Variants in SETD7 observed in about 807,000 individuals in gnomAD.
SETD7 encodes SET domain containing 7, histone lysine methyltransferase, also known as histone-lysine N-methyltransferase SETD7.
In SETD7, 16 loss-of-function variants were observed where a neutral mutation model predicts 41.8. The ratio of observed to expected loss-of-function variants is 0.38; its 90% confidence interval spans 0.26 to 0.58. The LOEUF is 0.58. Ranked by LOEUF, SETD7 falls within the 20% of genes least tolerant of loss-of-function variation. The probability of loss-of-function intolerance (pLI) is 0.64; values close to 1 mark genes in which losing one functional copy is unlikely to be tolerated. For missense variants in SETD7, 346 were observed against 459.7 expected (o/e 0.75, Z 2.26); for synonymous variants, 163 against 169.7 (o/e 0.96, Z 0.31).
At chr4:139,522,852 G>C (rs1475021419) in intron 5 of SETD7, among the ~76,000 whole-genome samples, 2 of 145,920 alleles carry the variant, frequency 1.4e-5, no homozygotes, top group African/African-American at 5.0e-5. Flanking sequence ...CTCCCAGGTT[G>C]AAGCAATTCT....
At chr4:139,538,575 C>T (rs1018019145) in intron 2 of SETD7, among the ~76,000 whole-genome samples, 4 of 152,104 alleles carry the variant, frequency 2.6e-5, no homozygotes, top group Admixed American at 6.6e-5. Flanking sequence ...GTGATCCACC[C>T]GCCTCAGCCT....
At chr4:139,533,453 C>T in intron 2 of SETD7, 87 bp from the exon 3 acceptor site, 2 of 1,153,556 alleles carry the variant, frequency 1.7e-6, no homozygotes, top group Non-Finnish European at 2.5e-6. Flanking sequence ...GAACTGCATG[C>T]CCAGCTGTGT....
exon 8 of SETD7, chr4:139,496,198 T>G (rs1726451448): frequency 1.0e-5 from 5 of 496,474 alleles, no homozygotes; most frequent in Non-Finnish European, 1.8e-5. Flanking sequence ...CTGGTGACTT[T>G]ATTTATTGAT....
rs1249515915 is a variant in SETD7 at position 139,523,392 on chromosome 4, A to G, written c.606T>C (p.Ser202=). 6.2e-7 allele frequency: 1 copy of G among 1,613,668 alleles called. No individual in the cohort carries two copies. Among genetic ancestry groups the G allele is most frequent in the Non-Finnish European group, 8.5e-7 (1 of 1,179,726 alleles). Residue 202 remains serine, a synonymous_variant, in exon 5 of 8, where the codon TCT becomes TCC. Coordinates refer to ENST00000274031, the MANE Select transcript of SETD7 (RefSeq NM_030648.4). ...HFDKSTSSCI[S]TNALLPDPYE... is the part of the protein sequence containing the mutation. Reference sequence around the variant, plus strand: ...AAGGATCTGGAAGAAGAGCATTGGTAGAAATGCAAGATGAAGTCGACTTAT... The same window carrying G: ...AAGGATCTGGAAGAAGAGCATTGGTGGAAATGCAAGATGAAGTCGACTTAT...
At chr4:139,496,478 C>T (rs1726457254) in exon 8 of SETD7, 1 of 702,356 alleles carries the variant, frequency 1.4e-6, no homozygotes, top group Non-Finnish European at 2.6e-6. Flanking sequence ...AGTGGAGCCC[C>T]AAATCTGCTT....
chr4:139,545,683 C>T (rs531071942), intron 2 of SETD7, among the ~76,000 whole-genome samples: 1 of 152,274 alleles, frequency 6.6e-6, no homozygotes, highest in South Asian at 2.1e-4. Context: ...AGAAATGTTA[C>T]CCCCTTTAAA....
At chr4:139,524,725 C>T (rs1207727781) in intron 4 of SETD7, among the ~76,000 whole-genome samples, 4 of 152,114 alleles carry the variant, frequency 2.6e-5, no homozygotes, top group East Asian at 1.9e-4. Context: ...GCAATAATAG[C>T]GGGCAGTGAA....
At chr4:139,523,247 C>T in intron 5 of SETD7, 107 bp downstream of exon 5, 2 of 738,412 alleles carry the variant, frequency 2.7e-6, no homozygotes, top group South Asian at 2.0e-5. Context: ...TTGGTCTGAG[C>T]TGGAACCCAG....
rs902010346 is a variant in SETD7 at position 139,555,142 on chromosome 4, G to A, written c.40+956C>T. Among the ~76,000 whole-genome samples the A allele has an allele frequency of 7.0e-6, 1 of 143,878 alleles. No individual in the cohort carries two copies. The highest frequency in any genetic ancestry group is 1.5e-5 in the Non-Finnish European group (1 of 66,876). The allele number at this position is 143,878 out of a possible 152,430, so 94.4% of individuals were successfully genotyped here. A position where few individuals can be genotyped will look rare whatever the true frequency, so the allele number is the denominator to read the frequency against. On this transcript the variant is annotated intron_variant, in intron 1 of 7. Coordinates refer to ENST00000274031, the MANE Select transcript of SETD7 (RefSeq NM_030648.4). The surrounding 1 kb of genome is among the most constrained non-coding windows in gnomAD (Gnocchi z 4.0). ...CATAACATCCTATGATACAAACAAC[G>A]AGATTGTATAACGTCCCCACATCGT...
intron 4 of SETD7, 85 bp downstream of exon 4, chr4:139,528,946 G>T (rs1727405152): frequency 5.9e-6 from 7 of 1,180,786 alleles, no homozygotes; most frequent in South Asian, 2.6e-5. Flanking sequence ...TATACAGAGA[G>T]GAAAAGAAAA....
At chr4:139,500,611 C>T (rs766431130) in intron 7 of SETD7, among the ~76,000 whole-genome samples, 2 of 152,142 alleles carry the variant, frequency 1.3e-5, no homozygotes, top group South Asian at 2.1e-4. Context: ...CAGTTTCAAG[C>T]GATTCTCCTG....
intron 2 of SETD7, among the ~76,000 whole-genome samples, chr4:139,544,787 C>T (rs1162750536): frequency 8.0e-6 from 1 of 124,240 alleles, no homozygotes; most frequent in African/African-American, 3.3e-5. Context: ...CATCAAACTA[C>T]CAGATTTAAA....
chr4:139,552,633 C>T (rs1377943475), intron 1 of SETD7, among the ~76,000 whole-genome samples: 2 of 152,154 alleles, frequency 1.3e-5, no homozygotes, highest in African/African-American at 2.4e-5. Context: ...TCTTCCCCTC[C>T]ACTTTTCTCC....
At chr4:139,551,579 A>C (rs1728111851) in intron 1 of SETD7, among the ~76,000 whole-genome samples, 1 of 152,288 alleles carries the variant, frequency 6.6e-6, no homozygotes, top group South Asian at 2.1e-4. Context: ...TCAGCAAAGT[A>C]AATTCCCTCT....
downstream of SETD7, among the ~76,000 whole-genome samples, chr4:139,503,175 C>A (rs1726620098): frequency 1.3e-5 from 1 of 77,078 alleles, no homozygotes; most frequent in Admixed American, 2.1e-4. Context: ...GAGACTCTGT[C>A]TCAGAAAAAA....
At chr4:139,523,569 G>A (rs191565478) in intron 4 of SETD7, 134 bp from the exon 5 acceptor site, 2 of 562,520 alleles carry the variant, frequency 3.6e-6, no homozygotes, top group African/African-American at 1.9e-5. Flanking sequence ...CTAGAATGAA[G>A]TTCTTCAATT....
In SETD7 at chr4:139,517,963, T is replaced by C. The variant is rs370938951; in HGVS notation, c.842A>G (p.Tyr281Cys). The change falls in exon 7 of 8, where the codon TAT (tyrosine) becomes TGT (cysteine). Residue 281 changes from tyrosine (Y) to cysteine (C), a missense_variant. This residue lies in a region of SETD7 where 266 missense variants were observed against 377.0 expected (regional missense o/e 0.71). Coordinates refer to ENST00000274031, the MANE Select transcript of SETD7 (RefSeq NM_030648.4). The part of the protein sequence containing the change: ...EETVIDVPEP[Y>C]NHVSKYCASL... The stretch of plus-strand genomic sequence containing the variant: ...GGCACAGTACTTGGATACGTGGTTA[T>C]AGGGCTCAGGCACATCAATGACCGT... The C allele has an allele frequency of 2.6e-5, 42 of 1,614,104 alleles. 1 individual carries two copies. Among genetic ancestry groups the C allele is most frequent in the Non-Finnish European group, 3.2e-5 (38 of 1,179,998 alleles).
rs1046897455 is a variant in SETD7 at position 139,508,640 on chromosome 4, T to C, written c.*3023A>G. ...CGCACACACACATAGGCTCCCGCTGTTTTTCAGGAGAGCATAAAGTTATTT... is the reference window on the plus strand; with the variant it reads ...CGCACACACACATAGGCTCCCGCTGCTTTTCAGGAGAGCATAAAGTTATTT... On this transcript the variant is annotated 3_prime_UTR_variant, in exon 8 of 8. Transcript: ENST00000274031. The C allele has an allele frequency of 2.0e-5, 3 of 152,150 alleles. No homozygotes were observed. Among genetic ancestry groups the C allele is most frequent in the African/African-American group, 7.2e-5 (3 of 41,426 alleles). 9.4% of individuals were successfully genotyped at this position (152,150 alleles called of 1,614,324 possible). A position where few individuals can be genotyped will look rare whatever the true frequency, so the allele number is the denominator to read the frequency against.
At chr4:139,539,037 T>G (rs1207251556) in intron 2 of SETD7, among the ~76,000 whole-genome samples, 1 of 152,208 alleles carries the variant, frequency 6.6e-6, no homozygotes, top group Non-Finnish European at 1.5e-5. Flanking sequence ...TTTATTCAGA[T>G]ATTGCTGTAT....
Sources: allele counts gnomAD v4.1 joint callset (sites outside exome capture counted in the v4.1 genomes callset), GRCh38; gene constraint gnomAD v4.1.1; regional missense constraint gnomAD v4.1.1; non-coding constraint Gnocchi (gnomAD v3.1); transcripts MANE v1.5; gene names NCBI Gene and HGNC (gene_info 2026-07-23, HGNC 2026-07-21).